The following XXYLT1 variants were observed in gnomAD, a reference collection of about 807,000 sequenced individuals.
XXYLT1 encodes UDP-xylose:alpha-xyloside alpha-1,3-xylosyltransferase.
XXYLT1 carries 20 observed loss-of-function variants against 28.9 expected under a neutral mutation model. The observed-to-expected ratio is 0.69, with a 90% confidence interval of 0.49 to 1.00. XXYLT1 has a LOEUF of 1.00. Among genes scored for constraint, XXYLT1 ranks in the 50% least tolerant of loss-of-function variants. The probability of loss-of-function intolerance (pLI) is 0.00; values close to 1 mark genes in which losing one functional copy is unlikely to be tolerated. For missense variants in XXYLT1, 542 were observed against 560.1 expected (o/e 0.97, Z 0.33); for synonymous variants, 257 against 253.8 (o/e 1.01, Z -0.12).
chr3:195,137,792 CTACT>C (rs760270060), intron 3 of XXYLT1, among the ~76,000 whole-genome samples: 4 of 152,210 alleles, frequency 2.6e-5, no homozygotes, highest in Admixed American at 6.5e-5. Context: ...GTATTCTCAG[CTACT>C]TACTGAGTAC....
Position 195,112,472 on chromosome 3 carries a change from A to C in XXYLT1, c.786-42361T>G, listed in dbSNP as rs143380427. ...CCCACACGCATGTGCACACCCACAC[A>C]CATGCACACACGCATGGACACATGC... On this transcript the variant is annotated intron_variant, in intron 3 of 3. Coordinates refer to ENST00000310380, the MANE Select transcript of XXYLT1 (RefSeq NM_152531.5). Among the ~76,000 whole-genome samples the C allele has an allele frequency of 4.1e-5, 6 of 145,586 alleles. 1 individual carries two copies. The East Asian group carries it at 1.2e-3, about 30-fold the overall frequency.
At chr3:195,160,909 TTC>T (rs1335557912) in intron 2 of XXYLT1, among the ~76,000 whole-genome samples, 1 of 152,210 alleles carries the variant, frequency 6.6e-6, no homozygotes, top group Non-Finnish European at 1.5e-5. Context: ...GGCTGGATGT[TTC>T]TCTGTCAAAG....
chr3:195,190,493 CAAAAAAAAA>C, intron 2 of XXYLT1, among the ~76,000 whole-genome samples: 1 of 34,980 alleles, frequency 2.9e-5, no homozygotes, highest in Admixed American at 3.3e-4. Flanking sequence ...GACTCTGTCT[CAAAAAAAAA>C]AAAAAAAAAA....
chr3:195,169,168 AG>A (rs1235875191), intron 2 of XXYLT1, among the ~76,000 whole-genome samples: 1 of 152,266 alleles, frequency 6.6e-6, no homozygotes, highest in Non-Finnish European at 1.5e-5. Flanking sequence ...AGGTCGCAGC[AG>A]TCCCTGCTGG....
rs187235259 is a variant in XXYLT1, at chr3:195,195,515, T to C, written c.652+31194A>G. On this transcript the variant is annotated intron_variant, in intron 2 of 3. Coordinates refer to ENST00000310380, the MANE Select transcript of XXYLT1 (RefSeq NM_152531.5). The surrounding 1 kb of genome is among the most constrained non-coding windows in gnomAD (Gnocchi z 4.4). ...AGAGCCTCTTTCAGCTTTAAAAAAATAAAAGGACTCTCTTTTCTGTGTGTT... is the reference window on the plus strand; with the variant it reads ...AGAGCCTCTTTCAGCTTTAAAAAAACAAAAGGACTCTCTTTTCTGTGTGTT... Among the ~76,000 whole-genome samples the C allele has an allele frequency of 5.3e-5, 8 of 152,272 alleles. No homozygotes were observed. The highest frequency in any genetic ancestry group is 3.3e-4 in the Admixed American group (5 of 15,302).
intron 1 of XXYLT1, among the ~76,000 whole-genome samples, chr3:195,234,587 C>T (rs1002482982): frequency 6.6e-6 from 1 of 151,702 alleles, no homozygotes; most frequent in African/African-American, 2.4e-5. Context: ...CCAAAGTGCT[C>T]GGATTACAGG....
chr3:195,243,236 G>T (rs895971904), intron 1 of XXYLT1, among the ~76,000 whole-genome samples: 1 of 151,972 alleles, frequency 6.6e-6, no homozygotes, highest in Non-Finnish European at 1.5e-5. Flanking sequence ...GGGAAGGATA[G>T]CATTAGGAGA....
Position 195,076,686 on chromosome 3 carries a change from G to A in XXYLT1, c.786-6575C>T, listed in dbSNP as rs1350191640. On this transcript the variant is annotated intron_variant, in intron 3 of 3. Coordinates refer to ENST00000310380, the MANE Select transcript of XXYLT1 (RefSeq NM_152531.5). The surrounding 1 kb of genome is among the most constrained non-coding windows in gnomAD (Gnocchi z 5.3). ...AGCTGGCTCTGTCTGGGCTAGGAGG[G>A]AGGGTCTGTTCCAGGCGCTCCCCTC... is the stretch of plus-strand genomic sequence containing the variant. Among the ~76,000 whole-genome samples the A allele has an allele frequency of 6.6e-6, 1 of 152,192 alleles. No homozygotes were observed. Among genetic ancestry groups the A allele is most frequent in the Non-Finnish European group, 1.5e-5 (1 of 68,034 alleles).
intron 3 of XXYLT1, among the ~76,000 whole-genome samples, chr3:195,143,830 A>ATC (rs1491558401): frequency 1.3e-4 from 11 of 86,950 alleles, no homozygotes; most frequent in African/African-American, 5.1e-4. Context: ...AGATATATAT[A>ATC]GATATAGATA....
chr3:195,187,628 A>G (rs946134344), intron 2 of XXYLT1, among the ~76,000 whole-genome samples: 2 of 152,210 alleles, frequency 1.3e-5, no homozygotes, highest in African/African-American at 4.8e-5. Flanking sequence ...ACCCCTGGAC[A>G]TTATTCCTTT....
chr3:195,228,441 G>A (rs973845516), intron 1 of XXYLT1, among the ~76,000 whole-genome samples: 48 of 149,616 alleles, frequency 3.2e-4, no homozygotes, highest in Admixed American at 1.8e-3. Flanking sequence ...GTAAACCACC[G>A]TCTGCTCTTC....
At chr3:195,162,997 T>C (rs1720949788) in intron 2 of XXYLT1, among the ~76,000 whole-genome samples, 1 of 152,194 alleles carries the variant, frequency 6.6e-6, no homozygotes, top group Non-Finnish European at 1.5e-5. Context: ...GTTTTTGGTT[T>C]TTTTTTGTCT....
At chr3:195,232,097 A>G (rs1487245035) in intron 1 of XXYLT1, among the ~76,000 whole-genome samples, 1 of 152,042 alleles carries the variant, frequency 6.6e-6, no homozygotes, top group East Asian at 1.9e-4. Context: ...GGATTTCTTC[A>G]TGATTCTATC....
intron 1 of XXYLT1, among the ~76,000 whole-genome samples, chr3:195,262,364 G>A (rs1179526669): frequency 1.3e-5 from 2 of 152,176 alleles, no homozygotes; most frequent in African/African-American, 4.8e-5. Context: ...AATGGATACA[G>A]GGTTTCTGAG....
chr3:195,258,924 G>A (rs1003480653), intron 1 of XXYLT1, among the ~76,000 whole-genome samples: 1 of 152,250 alleles, frequency 6.6e-6, no homozygotes, highest in Non-Finnish European at 1.5e-5. Context: ...TAGCTGCACT[G>A]CCCTCCAACT....
chr3:195,139,029 A>G (rs1024643280), intron 3 of XXYLT1, among the ~76,000 whole-genome samples: 1 of 151,988 alleles, frequency 6.6e-6, no homozygotes, highest in Non-Finnish European at 1.5e-5. Flanking sequence ...CTGAAACAAA[A>G]GTACAAGGGG....
chr3:195,160,222 GC>G (rs1191071017), intron 2 of XXYLT1, among the ~76,000 whole-genome samples: 1 of 152,166 alleles, frequency 6.6e-6, no homozygotes, highest in Non-Finnish European at 1.5e-5. Flanking sequence ...AAGAAACGAT[GC>G]AAAGAAAAGA....
chr3:195,149,986 A>G (rs1485862790), intron 3 of XXYLT1, among the ~76,000 whole-genome samples: 1 of 152,180 alleles, frequency 6.6e-6, no homozygotes, highest in African/African-American at 2.4e-5. Flanking sequence ...AAATTCTAGG[A>G]AAGGGGTTAA....
intron 1 of XXYLT1, among the ~76,000 whole-genome samples, chr3:195,236,004 C>T (rs1360289777): frequency 6.7e-6 from 1 of 150,054 alleles, no homozygotes; most frequent in Non-Finnish European, 1.5e-5. Context: ...GGGTGACACC[C>T]CTGTCACTAT....
Sources: allele counts gnomAD v4.1 joint callset (sites outside exome capture counted in the v4.1 genomes callset), GRCh38; gene constraint gnomAD v4.1.1; non-coding constraint Gnocchi (gnomAD v3.1); transcripts MANE v1.5; gene names NCBI Gene and HGNC (gene_info 2026-07-23, HGNC 2026-07-21).